Variants in TIAM1 observed in about 807,000 individuals in gnomAD.
TIAM1 encodes the protein rho guanine nucleotide exchange factor TIAM1.
A neutral mutation model predicts 163.5 loss-of-function variants in TIAM1; 65 were observed. The ratio of observed to expected loss-of-function variants is 0.40; its 90% CI spans 0.33 to 0.49. TIAM1 has a LOEUF of 0.49. Ranked by LOEUF, TIAM1 falls within the 20% of genes least tolerant of loss-of-function variation. TIAM1 has a pLI of 0.77. For missense variants in TIAM1, 1,789 were observed against 2,044.7 expected (o/e 0.87, Z 2.41); for synonymous variants, 833 against 810.1 (o/e 1.03, Z -0.48).
chr21:31,295,965 T>C (rs2074246037), intron 2 of TIAM1, among the ~76,000 whole-genome samples: 1 of 152,114 alleles, frequency 6.6e-6, no homozygotes, highest in South Asian at 2.1e-4. Flanking sequence ...TCCTGGCTAA[T>C]TTTTTGTATG....
intron 1 of TIAM1, among the ~76,000 whole-genome samples, chr21:31,501,685 C>G (rs1377170895): frequency 6.6e-6 from 1 of 152,162 alleles, no homozygotes; most frequent in Non-Finnish European, 1.5e-5. Flanking sequence ...TCGCTGCAAC[C>G]TGCACCTCCC....
At chr21:31,161,466 C>T (rs532899263) in intron 16 of TIAM1, among the ~76,000 whole-genome samples, 16 of 152,246 alleles carry the variant, frequency 1.1e-4, no homozygotes, top group African/African-American at 3.1e-4. Flanking sequence ...CCCTCCCCAG[C>T]GGCTGTGACA....
rs1307466787 is a variant in TIAM1, at chr21:31,522,451, G to A, written c.-422+36476C>T. On this transcript the variant is annotated intron_variant, in intron 1 of 28. Transcript: ENST00000286827. The stretch of plus-strand genomic sequence containing the variant: ...CTTGAACCCGGGAGGCAGAGGTTGC[G>A]GTGAGCCGAGATCGCACCATTGCAC... Among the ~76,000 whole-genome samples, 6 of 151,412 alleles carry A rather than the reference G, an allele frequency of 4.0e-5. No homozygotes were observed. In the East Asian group the frequency reaches 5.9e-4, roughly 15 times the overall value.
intron 2 of TIAM1, among the ~76,000 whole-genome samples, chr21:31,443,130 C>G (rs1419407620): frequency 6.6e-6 from 1 of 152,122 alleles, no homozygotes; most frequent in African/African-American, 2.4e-5. Context: ...AACTTTAACT[C>G]TGAAAAAACA....
At chr21:31,553,471 G>C (rs189376655) in intron 1 of TIAM1, among the ~76,000 whole-genome samples, 104 of 152,316 alleles carry the variant, frequency 6.8e-4, no homozygotes, top group African/African-American at 2.4e-3. Flanking sequence ...GTCATGGCAA[G>C]AATAAACCCC....
chr21:31,152,020 C>T (rs1298464893), intron 19 of TIAM1, among the ~76,000 whole-genome samples: 1 of 116,128 alleles, frequency 8.6e-6, no homozygotes, highest in African/African-American at 3.4e-5. Flanking sequence ...ACCAGAAGTG[C>T]CTTTTTTTTT....
At chr21:31,219,024 CTTTTTT>C (rs35555743) in intron 8 of TIAM1, among the ~76,000 whole-genome samples, 19 of 88,528 alleles carry the variant, frequency 2.1e-4, no homozygotes, top group Non-Finnish European at 3.4e-4. Context: ...GAAGCATTTC[CTTTTTT>C]TTTTTTTTTT....
chr21:31,325,846 TTTCA>T (rs985676420), intron 2 of TIAM1, among the ~76,000 whole-genome samples: 20 of 152,256 alleles, frequency 1.3e-4, no homozygotes, highest in African/African-American at 4.3e-4. Flanking sequence ...AACCCACACT[TTTCA>T]ATATTTTTCC....
intron 12 of TIAM1, among the ~76,000 whole-genome samples, chr21:31,199,750 C>T (rs1378805686): frequency 6.6e-6 from 1 of 151,566 alleles, no homozygotes; most frequent in African/African-American, 2.4e-5. Context: ...AAGCTGGTCT[C>T]GAACTCCTGA....
chr21:31,299,283 A>T (rs1409132676), intron 2 of TIAM1, among the ~76,000 whole-genome samples: 1 of 152,188 alleles, frequency 6.6e-6, no homozygotes, highest in African/African-American at 2.4e-5. Context: ...TGCCTTTCGC[A>T]GCCCTCCTTT....
intron 2 of TIAM1, among the ~76,000 whole-genome samples, chr21:31,363,465 G>T (rs151221488): frequency 5.5e-4 from 84 of 151,902 alleles, no homozygotes; most frequent in African/African-American, 1.9e-3. Flanking sequence ...GTTTTGCAGG[G>T]GTAAGAAGCA....
chr21:31,338,899 G>C (rs566471281), intron 2 of TIAM1, among the ~76,000 whole-genome samples: 9 of 152,256 alleles, frequency 5.9e-5, no homozygotes, highest in Admixed American at 5.2e-4. Context: ...TTGATACCAA[G>C]TTTCCCCAGC....
intron 1 of TIAM1, among the ~76,000 whole-genome samples, chr21:31,544,647 G>A (rs542374624): frequency 3.3e-5 from 5 of 151,152 alleles, no homozygotes; most frequent in East Asian, 4.0e-4. Flanking sequence ...AAATAAACAA[G>A]CAAACAAACA....
intron 2 of TIAM1, among the ~76,000 whole-genome samples, chr21:31,329,425 T>C (rs1220102413): frequency 6.6e-6 from 1 of 152,202 alleles, no homozygotes; most frequent in Admixed American, 6.5e-5. Flanking sequence ...TGACGACTCC[T>C]TGTGGGAAGG....
At chr21:31,149,631 A>G (rs2083289044) in intron 19 of TIAM1, among the ~76,000 whole-genome samples, 1 of 152,218 alleles carries the variant, frequency 6.6e-6, no homozygotes. Context: ...GTAAATGAAT[A>G]TAATGAATGT....
At position 31,556,148 on chromosome 21, in the gene TIAM1, C is replaced by A. The variant is rs914201491; in HGVS notation, c.-422+2779G>T. Among the ~76,000 whole-genome samples the A allele has an allele frequency of 2.0e-5, 3 of 152,136 alleles. No individual in the cohort carries two copies. The East Asian group carries it at 5.8e-4, about 29-fold the overall frequency. On this transcript the variant is annotated intron_variant, in intron 1 of 28. Transcript: ENST00000286827. Reference sequence around the variant, plus strand: ...CACACAACAGCAGGGGGGAAAGAGGCCTTCAGCATCCCTAAGGGCGCGAGA... The same window carrying A: ...CACACAACAGCAGGGGGGAAAGAGGACTTCAGCATCCCTAAGGGCGCGAGA...
chr21:31,219,798 C>G (rs1480471146), intron 8 of TIAM1, among the ~76,000 whole-genome samples: 1 of 152,048 alleles, frequency 6.6e-6, no homozygotes, highest in Non-Finnish European at 1.5e-5. Context: ...ATCCAAGACA[C>G]TGGTGAGAAT....
chr21:31,172,259 A>T (rs575454840), intron 15 of TIAM1, among the ~76,000 whole-genome samples: 4 of 150,890 alleles, frequency 2.7e-5, no homozygotes, highest in Non-Finnish European at 1.5e-5. Flanking sequence ...TTCTCTAAAC[A>T]CTCCCAGCTT....
rs2081931507 is a variant in TIAM1 at position 31,119,726 on chromosome 21, G to A, written c.*642C>T. On this transcript the variant is annotated 3_prime_UTR_variant, in exon 28 of 28. Coordinates refer to ENST00000541036, the MANE Select transcript of TIAM1 (RefSeq NM_001353694.2). ...ATAAATTTGGATCTCTTTTCAAAGAGTTTGGCATCTCTATAATTCTATGCA... is the reference window on the plus strand; with the variant it reads ...ATAAATTTGGATCTCTTTTCAAAGAATTTGGCATCTCTATAATTCTATGCA... 1 of 152,068 alleles carries A rather than the reference G, an allele frequency of 6.6e-6. No homozygotes were observed. The highest frequency in any genetic ancestry group is 1.5e-5 in the Non-Finnish European group (1 of 67,962). 9.4% of individuals were successfully genotyped at this position (152,068 alleles called of 1,614,324 possible).
Sources: allele counts gnomAD v4.1 joint callset (sites outside exome capture counted in the v4.1 genomes callset), GRCh38; gene constraint gnomAD v4.1.1; transcripts MANE v1.5; gene names NCBI Gene and HGNC (gene_info 2026-07-23, HGNC 2026-07-21).